Variants in KHDRBS2 observed in about 807,000 individuals in gnomAD.
KHDRBS2 encodes KH RNA binding domain containing, signal transduction associated 2, also known as KH domain-containing, RNA-binding, signal transduction-associated protein 2.
KHDRBS2 carries 26 observed loss-of-function variants against 44.3 expected under a neutral mutation model. The observed-to-expected ratio is 0.59, with a 90% CI of 0.43 to 0.81. The LOEUF (loss-of-function observed/expected upper bound fraction) is 0.81. KHDRBS2 is among the 40% of genes least tolerant of loss of function. The pLI is 0.00. For missense variants in KHDRBS2, 476 were observed against 433.1 expected (o/e 1.10, Z -0.88); for synonymous variants, 194 against 151.1 (o/e 1.28, Z -2.08).
At chr6:61,639,348 A>G in the KHDRBS2 span, among the ~76,000 whole-genome samples, 1 of 152,016 alleles carries the variant, frequency 6.6e-6, no homozygotes, top group Non-Finnish European at 1.5e-5. Flanking sequence ...TATTTTACTT[A>G]TAATTTCTTG....
chr6:61,640,067 G>T, the KHDRBS2 span, among the ~76,000 whole-genome samples: 1 of 151,906 alleles, frequency 6.6e-6, no homozygotes, highest in Non-Finnish European at 1.5e-5. Context: ...AAGAATCTGT[G>T]GTATGAGAAA....
At chr6:61,629,362 A>G in the KHDRBS2 span, among the ~76,000 whole-genome samples, 22 of 152,204 alleles carry the variant, frequency 1.4e-4, no homozygotes, top group Admixed American at 1.4e-3. Context: ...GCAGCTTTGC[A>G]TCTATAATTT....
chr6:61,688,996 G>T (rs1767095530), intron 8 of KHDRBS2, among the ~76,000 whole-genome samples: 1 of 151,910 alleles, frequency 6.6e-6, no homozygotes, highest in African/African-American at 2.4e-5. Flanking sequence ...TTGGGCTTTG[G>T]CCTATGTGAT....
the KHDRBS2 span, among the ~76,000 whole-genome samples, chr6:61,612,170 C>T: frequency 6.6e-6 from 1 of 152,026 alleles, no homozygotes; most frequent in Non-Finnish European, 1.5e-5. Flanking sequence ...ACAGTGAAAG[C>T]ATATATGTTC....
At chr6:61,961,175 T>C (rs1287923073) in intron 4 of KHDRBS2, among the ~76,000 whole-genome samples, 1 of 152,098 alleles carries the variant, frequency 6.6e-6, no homozygotes, top group South Asian at 2.1e-4. Flanking sequence ...CTTTCATTCG[T>C]TGATTAAGCC....
chr6:62,116,383 G>T (rs1436818502), intron 2 of KHDRBS2, among the ~76,000 whole-genome samples: 1 of 151,868 alleles, frequency 6.6e-6, no homozygotes, highest in Non-Finnish European at 1.5e-5. Context: ...TTTGTTTCTG[G>T]TTTCTGAGTT....
At chr6:61,704,779 AT>A (rs1211821723) in intron 7 of KHDRBS2, among the ~76,000 whole-genome samples, 1 of 151,834 alleles carries the variant, frequency 6.6e-6, no homozygotes, top group East Asian at 1.9e-4. Flanking sequence ...ACAAATATTT[AT>A]TGTGTAAATA....
chr6:61,870,318 G>T (rs1213867223), intron 6 of KHDRBS2, among the ~76,000 whole-genome samples: 1 of 152,186 alleles, frequency 6.6e-6, no homozygotes, highest in East Asian at 1.9e-4. Context: ...CAGTAAGGCT[G>T]CTGTGGCCAG....
intron 1 of KHDRBS2, among the ~76,000 whole-genome samples, chr6:62,183,213 A>G (rs537433518): frequency 6.6e-6 from 1 of 151,882 alleles, no homozygotes; most frequent in East Asian, 1.9e-4. Context: ...TGAGGCTCAT[A>G]TTTTTAAATA....
chr6:61,736,416 G>GAGA, intron 6 of KHDRBS2, among the ~76,000 whole-genome samples: 1 of 152,032 alleles, frequency 6.6e-6, no homozygotes, highest in African/African-American at 2.4e-5. Flanking sequence ...CTATCTTGAG[G>GAGA]ATCTGCCTGG....
At chr6:61,549,833 AC>A in the KHDRBS2 span, among the ~76,000 whole-genome samples, 1 of 152,154 alleles carries the variant, frequency 6.6e-6, no homozygotes, top group South Asian at 2.1e-4. Context: ...ATATCAATGA[AC>A]TTTTTGTATT....
chr6:61,770,130 C>T (rs1406435918), intron 6 of KHDRBS2, among the ~76,000 whole-genome samples: 2 of 152,178 alleles, frequency 1.3e-5, no homozygotes, highest in African/African-American at 2.4e-5. Context: ...AGGGTCCTGT[C>T]TGTTAGAAGG....
intron 1 of KHDRBS2, among the ~76,000 whole-genome samples, chr6:62,202,135 C>T (rs1342637820): frequency 2.0e-5 from 3 of 151,988 alleles, no homozygotes; most frequent in Non-Finnish European, 4.4e-5. Context: ...GCACTTCAAA[C>T]AAGTATACAA....
the KHDRBS2 span, among the ~76,000 whole-genome samples, chr6:61,545,491 T>A: frequency 1.6e-5 from 2 of 125,200 alleles, no homozygotes; most frequent in South Asian, 5.4e-4. Context: ...AAAATATTTT[T>A]AGCTAATCTC....
At chr6:61,545,501 CTG>C in the KHDRBS2 span, among the ~76,000 whole-genome samples, 5,081 of 148,366 alleles carry the variant, frequency 0.034, 105 homozygotes, top group Non-Finnish European at 0.051. Flanking sequence ...TAGCTAATCT[CTG>C]TGTGTGTGTG....
chr6:61,558,497 G>T, the KHDRBS2 span, among the ~76,000 whole-genome samples: 1 of 152,148 alleles, frequency 6.6e-6, no homozygotes, highest in Non-Finnish European at 1.5e-5. Flanking sequence ...AGGATGTTGA[G>T]GCTGCAGTGA....
intron 2 of KHDRBS2, among the ~76,000 whole-genome samples, chr6:62,141,740 G>A (rs1812858130): frequency 6.6e-6 from 1 of 151,908 alleles, no homozygotes; most frequent in Non-Finnish European, 1.5e-5. Flanking sequence ...GTATTACTCA[G>A]GCCCTTACTA....
intron 2 of KHDRBS2, among the ~76,000 whole-genome samples, chr6:62,167,013 C>T (rs577673166): frequency 7.1e-4 from 108 of 152,038 alleles, no homozygotes; most frequent in Non-Finnish European, 1.1e-3. Flanking sequence ...AGAAAGAATA[C>T]GGGTTTGGAC....
chr6:61,886,744 A>G (rs1012898890), intron 6 of KHDRBS2, among the ~76,000 whole-genome samples: 1 of 152,196 alleles, frequency 6.6e-6, no homozygotes, highest in African/African-American at 2.4e-5. Flanking sequence ...AATAGAGGGT[A>G]GAGTAAGATA....
Sources: allele counts gnomAD v4.1 joint callset (sites outside exome capture counted in the v4.1 genomes callset), GRCh38; gene constraint gnomAD v4.1.1; transcripts MANE v1.5; gene names NCBI Gene and HGNC (gene_info 2026-07-23, HGNC 2026-07-21).